The following MSH5 variants were observed in gnomAD, a reference collection of about 807,000 sequenced individuals.
MSH5 encodes mutS homolog 5.
In MSH5, 78 loss-of-function variants were observed where a neutral mutation model predicts 107.7. The ratio of observed to expected loss-of-function variants is 0.72; its 90% confidence interval spans 0.60 to 0.87. MSH5 has a LOEUF of 0.87. Among genes scored for constraint, MSH5 ranks in the 40% least tolerant of loss-of-function variants. The pLI is 0.00. For missense variants in MSH5, 889 were observed against 1,046.6 expected (o/e 0.85, Z 2.08); for synonymous variants, 326 against 399.5 (o/e 0.82, Z 2.19).
chr6:31,745,980 A>G (rs1809408781), intron 9 of MSH5, among the ~76,000 whole-genome samples: 1 of 151,622 alleles, frequency 6.6e-6, no homozygotes, highest in Non-Finnish European at 1.5e-5. Context: ...GTTAGCCAGG[A>G]TGATCTCGAT....
Position 31,755,312 on chromosome 6 carries a change from G to A in MSH5, c.1014+1683G>A, listed in dbSNP as rs149369047. 2.9e-3 allele frequency among the ~76,000 whole-genome samples: 438 copies of A among 150,720 alleles called. 2 individuals carry two copies. Among genetic ancestry groups the A allele is most frequent in the Non-Finnish European group, 4.7e-3 (320 of 67,748 alleles). ...GACCACAGGTGATGGCCATCACACC[G>A]AACTAAGTTTTTATTTTTTGCTTGC... On this transcript the variant is annotated intron_variant, in intron 12 of 24. Coordinates refer to ENST00000375750, the MANE Select transcript of MSH5 (RefSeq NM_172166.4).
chr6:31,762,502 G>A lies in MSH5; in HGVS notation c.2476G>A (p.Val826Met). The A allele has an allele frequency of 6.2e-7, 1 of 1,614,004 alleles. No homozygotes were observed. The highest frequency in any genetic ancestry group is 8.5e-7 in the Non-Finnish European group (1 of 1,179,896). Reference sequence around the variant, plus strand: ...CTTGAACGTTTTCATGAGCCAGGAAGTGCTGCCTGCTGCCACCAGCATCCT... The same window carrying A: ...CTTGAACGTTTTCATGAGCCAGGAAATGCTGCCTGCTGCCACCAGCATCCT... ...LDLNVFMSQE[V>M]LPAATSIL Residue 826 changes from valine (V) to methionine (M), a missense_variant, in exon 25 of 25, where the codon GTG becomes ATG. By Grantham distance (21) the Val-to-Met change is conservative (BLOSUM62 1). Transcript: ENST00000375750.
At position 31,762,564 on chromosome 6, in the gene MSH5, G is replaced by A. The variant is rs1811118129; in HGVS notation, c.*33G>A. 1.4e-6 allele frequency: 2 copies of A among 1,392,658 alleles called. No individual in the cohort carries two copies. The highest frequency in any genetic ancestry group is 3.4e-5 in the Admixed American group (2 of 58,534). 86.3% of individuals were successfully genotyped at this position (1,392,658 alleles called of 1,614,324 possible). A position where few individuals can be genotyped will look rare whatever the true frequency, so the allele number is the denominator to read the frequency against. ...TCCAGTGTCCTCCCCAGCCTCCTGA[G>A]ACTCCGGTGGGCTGCCATGCCCTCT... On this transcript the variant is annotated 3_prime_UTR_variant, in exon 25 of 25. Coordinates refer to ENST00000375750, the MANE Select transcript of MSH5 (RefSeq NM_172166.4).
rs2151375302 is a variant in MSH5 at position 31,758,418 on chromosome 6, A to G, written c.1143+125A>G. On this transcript the variant is annotated intron_variant, in intron 13 of 24. Transcript: ENST00000375750. This position sits in a 1 kb window ranked among gnomAD's most constrained non-coding sequence, Gnocchi z 5.1. ...AAAGAATGGGATGGTGGGAGGAGGC[A>G]GCAGAACTTCAGGGAAGTATCTGGA... The G allele has an allele frequency of 6.4e-7, 1 of 1,555,428 alleles. No individual in the cohort carries two copies. The highest frequency in any genetic ancestry group is 8.8e-7 in the Non-Finnish European group (1 of 1,134,382).
At chr6:31,750,010 C>CA (rs1484362879) in intron 10 of MSH5, among the ~76,000 whole-genome samples, 1 of 152,188 alleles carries the variant, frequency 6.6e-6, no homozygotes, top group Admixed American at 6.5e-5. Context: ...ATTACCCACA[C>CA]ATTCTTCAGT....
rs1266775396 is a variant in MSH5, at chr6:31,743,896, T to C, written c.416-8T>C. ...AGACCGTTCCCTTTGCTTGCCTCCC[T>C]CAAATAGGTCTGGAGATAAGCAAAC... is the stretch of plus-strand genomic sequence containing the variant. On this transcript the variant is annotated splice_region_variant and splice_polypyrimidine_tract_variant and intron_variant, in intron 5 of 24. Coordinates refer to ENST00000375750, the MANE Select transcript of MSH5 (RefSeq NM_172166.4). 4.3e-6 allele frequency: 7 copies of C among 1,612,530 alleles called. No individual in the cohort carries two copies. The highest frequency in any genetic ancestry group is 1.3e-5 in the African/African-American group (1 of 74,874).
chr6:31,760,113 C>A lies in MSH5; in HGVS notation c.1709C>A (p.Ala570Asp). ...NGRHPLMELC[A>D]RTFVPNSTEC... is the part of the protein sequence containing the mutation. ...AGACATCCTCTGATGGAACTCTGTGCCCGAACCTTTGTGCCCAACTCCACA... is the reference window on the plus strand; with the variant it reads ...AGACATCCTCTGATGGAACTCTGTGACCGAACCTTTGTGCCCAACTCCACA... Residue 570 changes from alanine to aspartate, a missense_variant, in exon 19 of 25, where the codon GCC becomes GAC. Coordinates refer to ENST00000375750, the MANE Select transcript of MSH5 (RefSeq NM_172166.4). This position sits in a 1 kb window ranked among gnomAD's most constrained non-coding sequence, Gnocchi z 5.6. The A allele has an allele frequency of 6.2e-7, 1 of 1,605,176 alleles. No homozygotes were observed. Among genetic ancestry groups the A allele is most frequent in the Non-Finnish European group, 8.5e-7 (1 of 1,175,640 alleles).
chr6:31,760,878 A>T lies in MSH5; in HGVS notation c.1962+39A>T. The T allele has an allele frequency of 6.3e-7, 1 of 1,594,082 alleles. No homozygotes were observed. The highest frequency in any genetic ancestry group is 1.1e-5 in the South Asian group (1 of 89,360). ...AAGGGAGGTGGGATTGAGGAAGGGGATAATGGGAAAGGAACCCCTGAAAAT... is the reference window on the plus strand; with the variant it reads ...AAGGGAGGTGGGATTGAGGAAGGGGTTAATGGGAAAGGAACCCCTGAAAAT... On this transcript the variant is annotated intron_variant, in intron 20 of 24. Transcript: ENST00000375750. The surrounding 1 kb of genome is among the most constrained non-coding windows in gnomAD (Gnocchi z 5.6).
At chr6:31,753,264 T>A in intron 10 of MSH5, 37 bp from the exon 11 acceptor site, 1 of 1,564,286 alleles carries the variant, frequency 6.4e-7, no homozygotes, top group Non-Finnish European at 8.7e-7. Context: ...ATGATAGATG[T>A]AACTTGTAGT....
In MSH5 at chr6:31,761,239, G is replaced by A. The variant is rs746576082; in HGVS notation, c.2014G>A (p.Glu672Lys). 1 of 1,613,920 alleles carries A rather than the reference G, an allele frequency of 6.2e-7. No individual in the cohort carries two copies. Among genetic ancestry groups the A allele is most frequent in the Non-Finnish European group, 8.5e-7 (1 of 1,180,024 alleles). The change falls in exon 21 of 25, where the codon GAA (glutamate) becomes AAA (lysine). Residue 672 changes from glutamate (E) to lysine (K), a missense_variant. Coordinates refer to ENST00000375750, the MANE Select transcript of MSH5 (RefSeq NM_172166.4). The surrounding 1 kb of genome is among the most constrained non-coding windows in gnomAD (Gnocchi z 5.3). ...TGCACAGTCGCTGGTCCTTATTGAT[G>A]AATTTGGAAAGGGAACCAACACGGT... ...ATAQSLVLIDEFGKGTNTVDG... is the reference protein window; with the variant it reads ...ATAQSLVLIDKFGKGTNTVDG...
chr6:31,757,970 A>C (rs1810598430), intron 12 of MSH5, 195 bp from the exon 13 acceptor site: 1 of 678,074 alleles, frequency 1.5e-6, no homozygotes, highest in African/African-American at 1.8e-5. Context: ...GTGCCTGGCC[A>C]GGACCATATC....
intron 3 of MSH5, among the ~76,000 whole-genome samples, chr6:31,741,968 A>G (rs1808957126): frequency 6.6e-6 from 1 of 152,052 alleles, no homozygotes; most frequent in African/African-American, 2.4e-5. Flanking sequence ...CTCAGGAACT[A>G]ATAGAGTGAG....
chr6:31,740,634 C>G lies in MSH5; in HGVS notation c.147+21C>G. On this transcript the variant is annotated intron_variant, in intron 2 of 24. Transcript: ENST00000375750. This position sits in a 1 kb window ranked among gnomAD's most constrained non-coding sequence, Gnocchi z 4.4. ...CCGAGGTCTCTGAGGGGAGTAGAAACTTGAATGGAGAGTTGATGGGAAGTT... is the reference window on the plus strand; with the variant it reads ...CCGAGGTCTCTGAGGGGAGTAGAAAGTTGAATGGAGAGTTGATGGGAAGTT... 2.7e-6 allele frequency: 4 copies of G among 1,474,764 alleles called. No individual in the cohort carries two copies. Among genetic ancestry groups the G allele is most frequent in the Non-Finnish European group, 3.6e-6 (4 of 1,113,986 alleles). The allele number at this position is 1,474,764 out of a possible 1,614,324, so 91.4% of individuals were successfully genotyped here.
In MSH5 at chr6:31,759,257, A is replaced by C; in HGVS notation, c.1407+80A>C. 1 of 1,390,688 alleles carries C rather than the reference A, an allele frequency of 7.2e-7. No homozygotes were observed. Among genetic ancestry groups the C allele is most frequent in the Non-Finnish European group, 1.0e-6 (1 of 978,616 alleles). The allele number at this position is 1,390,688 out of a possible 1,614,324, so 86.1% of individuals were successfully genotyped here. A position where few individuals can be genotyped will look rare whatever the true frequency, so the allele number is the denominator to read the frequency against. The stretch of plus-strand genomic sequence containing the variant: ...AGGAAGAGCGTTACTCTACAGCAGC[A>C]CTGCCCAATATGGGATCTCTCCTCT... On this transcript the variant is annotated intron_variant, in intron 16 of 24. Transcript: ENST00000375750. The surrounding 1 kb of genome is among the most constrained non-coding windows in gnomAD (Gnocchi z 4.7).
chr6:31,748,210 C>G (rs1011549732), intron 10 of MSH5, among the ~76,000 whole-genome samples: 1 of 152,174 alleles, frequency 6.6e-6, no homozygotes, highest in Non-Finnish European at 1.5e-5. Flanking sequence ...CCCACCAGAT[C>G]TGTTCCTCTT....
In MSH5 at chr6:31,740,543, G is replaced by T. The variant is rs766196782; in HGVS notation, c.77G>T (p.Ser26Ile). The change falls in exon 2 of 25, where the codon AGC becomes ATC. Residue 26 changes from serine (S) to isoleucine (I), a missense_variant. Ser to Ile is a moderately radical substitution (Grantham distance 142). Transcript: ENST00000375750. This position sits in a 1 kb window ranked among gnomAD's most constrained non-coding sequence, Gnocchi z 4.4. ...GGGGCGGCCTCCTCCGGCTTCCCCA[G>T]CCCGGCCCCAGTGCCGGGCCCCAGG... ...RPGAASSGFP[S>I]PAPVPGPREA... is the part of the protein sequence containing the mutation. 20 of 1,532,310 alleles carry T rather than the reference G, an allele frequency of 1.3e-5. No homozygotes were observed. Among genetic ancestry groups the T allele is most frequent in the African/African-American group, 1.3e-4 (9 of 71,014 alleles). 94.9% of individuals were successfully genotyped at this position (1,532,310 alleles called of 1,614,324 possible).
At chr6:31,742,659 C>T (rs564383176) in intron 3 of MSH5, among the ~76,000 whole-genome samples, 1 of 152,338 alleles carries the variant, frequency 6.6e-6, no homozygotes, top group Non-Finnish European at 1.5e-5. Context: ...CTAGTGACAA[C>T]ATCCAGAACA....
At chr6:31,749,749 A>G (rs775446191) in intron 10 of MSH5, among the ~76,000 whole-genome samples, 37 of 152,268 alleles carry the variant, frequency 2.4e-4, no homozygotes, top group Middle Eastern at 6.8e-3. Flanking sequence ...TCTAGTAGCT[A>G]TACCTGTTAC....
At chr6:31,756,949 T>TC (rs1562241592) in intron 12 of MSH5, 1 of 151,318 alleles carries the variant, frequency 6.6e-6, no homozygotes, top group Non-Finnish European at 1.5e-5. Flanking sequence ...CTTTTTTTTT[T>TC]CCCCAATATG....
Sources: allele counts gnomAD v4.1 joint callset (sites outside exome capture counted in the v4.1 genomes callset), GRCh38; gene constraint gnomAD v4.1.1; non-coding constraint Gnocchi (gnomAD v3.1); transcripts MANE v1.5; gene names NCBI Gene and HGNC (gene_info 2026-07-23, HGNC 2026-07-21).